The following OGFOD3 variants were observed in gnomAD, a reference collection of about 807,000 sequenced individuals.
OGFOD3 encodes 2-oxoglutarate and iron-dependent oxygenase domain-containing protein 3.
A neutral mutation model predicts 39.8 loss-of-function variants in OGFOD3; 35 were observed. The ratio of observed to expected loss-of-function variants is 0.88; its 90% CI spans 0.67 to 1.17. The LOEUF (loss-of-function observed/expected upper bound fraction) is 1.17. Among genes scored for constraint, OGFOD3 ranks in the 50% most tolerant of loss-of-function variants. The pLI, the probability that OGFOD3 is intolerant of heterozygous loss-of-function variation, is 0.00. For missense variants in OGFOD3, 438 were observed against 454.5 expected, an observed-to-expected ratio of 0.96 and a Z score of 0.33; for synonymous variants, 200 against 192.0, an observed-to-expected ratio of 1.04 and a Z score of -0.34.
In OGFOD3 at chr17:82,404,094, C is replaced by T. The variant is rs201985441; in HGVS notation, c.546-4G>A. On this transcript the variant is annotated splice_polypyrimidine_tract_variant and splice_region_variant and intron_variant, in intron 6 of 8. Transcript: ENST00000313056. This position sits in a 1 kb window ranked among gnomAD's most constrained non-coding sequence, Gnocchi z 4.5. ...CTGGACCTTCTGCCGCACCTCCCTG[C>T]AGAGGACACAATAGCCGTCAGCGCA... 27 of 1,586,478 alleles carry T rather than the reference C, an allele frequency of 1.7e-5. No individual in the cohort carries two copies. In the African/African-American group the frequency reaches 3.2e-4, roughly 19 times the overall value.
In OGFOD3 at chr17:82,415,951, C is replaced by T. The variant is rs1167081864; in HGVS notation, c.75-324G>A. 6.6e-6 allele frequency among the ~76,000 whole-genome samples: 1 copy of T among 151,952 alleles called. No homozygotes were observed. The highest frequency in any genetic ancestry group is 2.4e-5 in the African/African-American group (1 of 41,390). On this transcript the variant is annotated intron_variant, in intron 1 of 8. Transcript: ENST00000313056. This position sits in a 1 kb window ranked among gnomAD's most constrained non-coding sequence, Gnocchi z 5.3. ...CTCCTTATAAAAGCCACTTCAGGCC[C>T]GGCGCAGTGGCTTATGCCTGTAATC... is the stretch of plus-strand genomic sequence containing the variant.
chr17:82,392,449 G>A lies in OGFOD3; in HGVS notation c.909C>T (p.Ile303=), dbSNP rs572508563. The A allele has an allele frequency of 3.0e-5, 49 of 1,612,932 alleles. No homozygotes were observed. Among genetic ancestry groups the A allele is most frequent in the Non-Finnish European group, 3.9e-5 (46 of 1,179,654 alleles). ...CATGGTCGGGGTTGCAGCTGAAGGCGATGGTGATGGCGTAACGGGTGCCCC... is the reference window on the plus strand; with the variant it reads ...CATGGTCGGGGTTGCAGCTGAAGGCAATGGTGATGGCGTAACGGGTGCCCC... ...VHWGTRYAIT[I]AFSCNPDHGI... The change falls in exon 9 of 9, where the codon ATC becomes ATT. Residue 303 remains isoleucine (I), a synonymous_variant. Coordinates refer to ENST00000313056, the MANE Select transcript of OGFOD3 (RefSeq NM_024648.3). This position sits in a 1 kb window ranked among gnomAD's most constrained non-coding sequence, Gnocchi z 4.2.
chr17:82,398,073 A>ACCGG, intron 8 of OGFOD3, 123 bp downstream of exon 8: 1 of 1,256,816 alleles, frequency 8.0e-7, no homozygotes, highest in Non-Finnish European at 1.1e-6. Flanking sequence ...ATCACTCAGC[A>ACCGG]CCGGCCCGGC....
intron 1 of OGFOD3, 110 bp downstream of exon 1, chr17:82,418,302 C>A (rs866893646): frequency 0.025 from 3,570 of 141,186 alleles, 76 homozygotes; most frequent in Admixed American, 0.041. Context: ...CTGCCCCCCC[C>A]CACCCCCCCA....
chr17:82,393,052 C>T (rs769429262), intron 8 of OGFOD3: 18 of 153,342 alleles, frequency 1.2e-4, no homozygotes, highest in Non-Finnish European at 2.6e-4. Flanking sequence ...GACGTCTGAA[C>T]AGGCAGCTTC....
In OGFOD3 at chr17:82,403,990, T is replaced by G. The variant is rs1470384853; in HGVS notation, c.646A>C (p.Ser216Arg). ...TCGTGCGCCGTCCGCGCTTCCGTGC[T>G]GTTTATGCGGGAGAAGAAGGTGGGC... The part of the protein sequence containing the change: ...TKPTFFSRIN[S>R]TEARTAHDEY... Residue 216 changes from serine to arginine, a missense_variant, in exon 7 of 9, where the codon AGC (serine) becomes CGC (arginine). Transcript: ENST00000313056. The G allele has an allele frequency of 3.7e-6, 6 of 1,610,892 alleles. No individual in the cohort carries two copies. The highest frequency in any genetic ancestry group is 5.1e-6 in the Non-Finnish European group (6 of 1,178,896).
In OGFOD3 at chr17:82,404,015, C is replaced by T; in HGVS notation, c.621G>A (p.Lys207=). The change falls in exon 7 of 9, where the codon AAG becomes AAA. Residue 207 remains lysine, a synonymous_variant. Coordinates refer to ENST00000313056, the MANE Select transcript of OGFOD3 (RefSeq NM_024648.3). The surrounding 1 kb of genome is among the most constrained non-coding windows in gnomAD (Gnocchi z 4.5). ...GISASSLHLT[K]PTFFSRINST... is the part of the protein sequence containing the mutation. ...TGTTTATGCGGGAGAAGAAGGTGGGCTTGGTCAGATGCAGCGAGGATGCGC... is the reference window on the plus strand; with the variant it reads ...TGTTTATGCGGGAGAAGAAGGTGGGTTTGGTCAGATGCAGCGAGGATGCGC... 6.2e-7 allele frequency: 1 copy of T among 1,611,274 alleles called. No homozygotes were observed. The highest frequency in any genetic ancestry group is 8.5e-7 in the Non-Finnish European group (1 of 1,178,874).
rs1170541016 is a variant in OGFOD3, at chr17:82,404,795, C to G, written c.545+529G>C. On this transcript the variant is annotated intron_variant, in intron 6 of 8. Coordinates refer to ENST00000313056, the MANE Select transcript of OGFOD3 (RefSeq NM_024648.3). The surrounding 1 kb of genome is among the most constrained non-coding windows in gnomAD (Gnocchi z 4.5). ...TTGTTCTGTCACCCAGGCTGGAGTG[C>G]AGTGGTGCAATCTCAGCTCACTGCA... 2.1e-5 allele frequency among the ~76,000 whole-genome samples: 3 copies of G among 146,112 alleles called. No homozygotes were observed. Among genetic ancestry groups the G allele is most frequent in the Non-Finnish European group, 3.0e-5 (2 of 67,138 alleles).
At chr17:82,412,713 C>T (rs1025655319) in intron 2 of OGFOD3, among the ~76,000 whole-genome samples, 1 of 152,136 alleles carries the variant, frequency 6.6e-6, no homozygotes, top group African/African-American at 2.4e-5. Flanking sequence ...AGGGACCCGC[C>T]CCTGTGGTTT....
In OGFOD3 at chr17:82,390,759, T is replaced by C. The variant is rs1394971904; in HGVS notation, c.*1639A>G. 1 of 169,582 alleles carries C rather than the reference T, an allele frequency of 5.9e-6. No homozygotes were observed. The highest frequency in any genetic ancestry group is 1.3e-5 in the Non-Finnish European group (1 of 78,030). The allele number at this position is 169,582 out of a possible 1,614,324, so 10.5% of individuals were successfully genotyped here. A position where few individuals can be genotyped will look rare whatever the true frequency, so the allele number is the denominator to read the frequency against. On this transcript the variant is annotated 3_prime_UTR_variant, in exon 9 of 9. Coordinates refer to ENST00000313056, the MANE Select transcript of OGFOD3 (RefSeq NM_024648.3). This position sits in a 1 kb window ranked among gnomAD's most constrained non-coding sequence, Gnocchi z 4.9. The stretch of plus-strand genomic sequence containing the variant: ...ATGCCTCAGCTGGCCTCACGCCCGC[T>C]CCTTCCCAGGGGTCACCATGCCTCA...
rs2052860051 is a variant in OGFOD3, at chr17:82,406,607, T to C, written c.424-125A>G. 5.0e-6 allele frequency: 4 copies of C among 799,064 alleles called. No individual in the cohort carries two copies. The highest frequency in any genetic ancestry group is 2.7e-5 in the East Asian group (1 of 37,540). 49.5% of individuals were successfully genotyped at this position (799,064 alleles called of 1,614,324 possible). On this transcript the variant is annotated intron_variant, in intron 4 of 8. Coordinates refer to ENST00000313056, the MANE Select transcript of OGFOD3 (RefSeq NM_024648.3). The surrounding 1 kb of genome is among the most constrained non-coding windows in gnomAD (Gnocchi z 5.2). ...ACACACCTCAGGTGTTTTTTTGTTT[T>C]TGTTTTTGTTTTTTGTAAAAAGGAT...
intron 1 of OGFOD3, among the ~76,000 whole-genome samples, chr17:82,416,505 C>T (rs968761038): frequency 2.6e-5 from 4 of 152,056 alleles, no homozygotes; most frequent in Non-Finnish European, 4.4e-5. Flanking sequence ...GGCCGCACTC[C>T]CTCCCCTCCT....
chr17:82,416,264 A>G (rs1294019713), intron 1 of OGFOD3, among the ~76,000 whole-genome samples: 1 of 152,170 alleles, frequency 6.6e-6, no homozygotes, highest in East Asian at 1.9e-4. Flanking sequence ...ATAAACAAAC[A>G]CACACCACTT....
At chr17:82,402,489 G>C (rs1227809537) in intron 7 of OGFOD3, among the ~76,000 whole-genome samples, 2 of 152,008 alleles carry the variant, frequency 1.3e-5, no homozygotes, top group Non-Finnish European at 2.9e-5. Flanking sequence ...GCTCACGCTT[G>C]TAATCCCAGC....
chr17:82,392,111 C>T lies in OGFOD3; in HGVS notation c.*287G>A, dbSNP rs751418993. 4.1e-4 allele frequency: 193 copies of T among 466,000 alleles called. No individual in the cohort carries two copies. Among genetic ancestry groups the T allele is most frequent in the Non-Finnish European group, 5.4e-4 (142 of 260,624 alleles). 28.9% of individuals were successfully genotyped at this position (466,000 alleles called of 1,614,324 possible). The stretch of plus-strand genomic sequence containing the variant: ...TTGCTGAACCTGGGTGGATGAGTCC[C>T]GTCCATTCACAGATGGGGACTTGTG... On this transcript the variant is annotated 3_prime_UTR_variant, in exon 9 of 9. Coordinates refer to ENST00000313056, the MANE Select transcript of OGFOD3 (RefSeq NM_024648.3). This position sits in a 1 kb window ranked among gnomAD's most constrained non-coding sequence, Gnocchi z 4.2.
intron 7 of OGFOD3, among the ~76,000 whole-genome samples, chr17:82,401,628 A>T (rs1432879636): frequency 7.1e-6 from 1 of 141,810 alleles, no homozygotes; most frequent in East Asian, 2.2e-4. Flanking sequence ...ACATGGTGAA[A>T]CCCCGTCTCT....
chr17:82,401,415 T>G (rs1041174175), intron 7 of OGFOD3: 1 of 152,134 alleles, frequency 6.6e-6, no homozygotes, highest in Non-Finnish European at 1.5e-5. Context: ...GTGCTGGGAT[T>G]ACAGGCGTGA....
At chr17:82,410,338 T>C (rs953502343) in intron 3 of OGFOD3, among the ~76,000 whole-genome samples, 7 of 152,240 alleles carry the variant, frequency 4.6e-5, no homozygotes, top group Non-Finnish European at 7.3e-5. Context: ...GGCCCAGGGC[T>C]GCACACCATT....
At position 82,411,497 on chromosome 17, in the gene OGFOD3, G is replaced by A. The variant is rs1330060493; in HGVS notation, c.338C>T (p.Thr113Ile). Residue 113 changes from threonine (T) to isoleucine (I), a missense_variant, in exon 3 of 9, where the codon ACC (threonine) becomes ATC (isoleucine). Transcript: ENST00000313056. ...CTPRKCGRGV[T>I]DVVITREEAE... is the part of the protein sequence containing the mutation. ...TTCCTCCCTGGTGATGACGACATCG[G>A]TGACACCTCTGCCGCACTTTCGGGG... The A allele has an allele frequency of 1.2e-6, 2 of 1,614,052 alleles. No homozygotes were observed. The highest frequency in any genetic ancestry group is 2.7e-5 in the African/African-American group (2 of 74,960).
Sources: gnomAD v4.1 joint callset for allele counts (sites outside exome capture counted in the v4.1 genomes callset) on GRCh38, gnomAD v4.1.1 for gene constraint, Gnocchi (gnomAD v3.1) non-coding constraint, MANE v1.5 for transcripts, NCBI Gene and HGNC (gene_info 2026-07-23, HGNC 2026-07-21) for gene names.